Variants in FGF14 observed in about 807,000 individuals in gnomAD.
FGF14 encodes the protein fibroblast growth factor homologous factor 4.
FGF14 carries 5 observed loss-of-function variants against 25.5 expected under a neutral mutation model. That is an observed-to-expected ratio of 0.20 (90% confidence interval 0.10 to 0.41). The LOEUF (loss-of-function observed/expected upper bound fraction) is 0.41. Among genes scored for constraint, FGF14 ranks in the 10% least tolerant of loss-of-function variants. FGF14 has a pLI of 1.00. For missense variants in FGF14, 222 were observed against 320.1 expected (o/e 0.69, Z 2.34); for synonymous variants, 138 against 118.3 (o/e 1.17, Z -1.08).
intron 1 of FGF14, among the ~76,000 whole-genome samples, chr13:101,914,075 G>A (rs2033224534): frequency 6.6e-6 from 1 of 151,812 alleles, no homozygotes; most frequent in Non-Finnish European, 1.5e-5. Flanking sequence ...CAGACTTAAA[G>A]GTTGTATCTT....
At position 101,722,153 on chromosome 13, in the gene FGF14, C is replaced by T. The variant is rs2035038416; in HGVS notation, c.*678G>A. ...TGGGAGCACAGTATCTGCTACTGGACAGAGCGTATATGTGTGTTTAATCGA... is the reference window on the plus strand; with the variant it reads ...TGGGAGCACAGTATCTGCTACTGGATAGAGCGTATATGTGTGTTTAATCGA... On this transcript the variant is annotated 3_prime_UTR_variant, in exon 5 of 5. Transcript: ENST00000376143. 3 of 156,850 alleles carry T rather than the reference C, an allele frequency of 1.9e-5. No individual in the cohort carries two copies. The highest frequency in any genetic ancestry group is 7.2e-5 in the African/African-American group (3 of 41,448). 9.7% of individuals were successfully genotyped at this position (156,850 alleles called of 1,614,324 possible). A position where few individuals can be genotyped will look rare whatever the true frequency, so the allele number is the denominator to read the frequency against.
At chr13:102,313,487 C>A (rs1240460295) in intron 1 of FGF14, among the ~76,000 whole-genome samples, 1 of 152,026 alleles carries the variant, frequency 6.6e-6, no homozygotes, top group South Asian at 2.1e-4. Flanking sequence ...ATGAAACAGT[C>A]CCGATTTTAC....
rs2055008337 is a variant in FGF14, at chr13:102,300,920, GACACACACACACACACATACACACACAC to G, written c.208+100523_208+100550del. On this transcript the variant is annotated intron_variant, in intron 1 of 4. Coordinates refer to the FGF14 transcript ENST00000376131. ...CAAAGTCCTTACCAATATGCACACA[GACACACACACACACACATACACACACAC>G]ACACACACACACACACGTTTAACCT... 4.7e-5 allele frequency among the ~76,000 whole-genome samples: 4 copies of G among 85,964 alleles called. No individual in the cohort carries two copies. The South Asian group carries it at 1.6e-3, about 34-fold the overall frequency. 56.4% of individuals were successfully genotyped at this position (85,964 alleles called of 152,430 possible).
rs75220547 is a variant in FGF14, at chr13:101,878,582, A to T, written c.194-3286T>A. On this transcript the variant is annotated intron_variant, in intron 1 of 4. Transcript: ENST00000376143. Reference sequence around the variant, plus strand: ...ATACGAATAAAATAAGCTAAAATAAACACAAAACAAATAACAAAGATGAGA... The same window carrying T: ...ATACGAATAAAATAAGCTAAAATAATCACAAAACAAATAACAAAGATGAGA... 1.9e-3 allele frequency among the ~76,000 whole-genome samples: 286 copies of T among 152,306 alleles called. 7 individuals carry two copies. In the East Asian group the frequency reaches 0.041, roughly 22 times the overall value.
At chr13:102,286,008 C>T (rs1183618017) in intron 1 of FGF14, among the ~76,000 whole-genome samples, 1 of 152,182 alleles carries the variant, frequency 6.6e-6, no homozygotes. Flanking sequence ...GGAAAACTCA[C>T]TGGAATTTAT....
chr13:102,105,049 A>G (rs776077971), intron 1 of FGF14, among the ~76,000 whole-genome samples: 9 of 152,302 alleles, frequency 5.9e-5, no homozygotes, highest in East Asian at 3.9e-4. Context: ...GAAAATATCA[A>G]TTTTCTAATG....
chr13:101,788,432 T>G (rs2039979713), intron 3 of FGF14, among the ~76,000 whole-genome samples: 1 of 152,136 alleles, frequency 6.6e-6, no homozygotes, highest in South Asian at 2.1e-4. Flanking sequence ...TATGGGAAAC[T>G]TATACATGTG....
At chr13:101,879,850 C>G (rs905418855) in intron 1 of FGF14, among the ~76,000 whole-genome samples, 1 of 152,046 alleles carries the variant, frequency 6.6e-6, no homozygotes, top group Non-Finnish European at 1.5e-5. Context: ...TTGGCACTCC[C>G]AGTAGCAGAA....
chr13:102,395,939 A>G (rs2058571276), intron 1 of FGF14, among the ~76,000 whole-genome samples: 1 of 152,188 alleles, frequency 6.6e-6, no homozygotes, highest in East Asian at 1.9e-4. Context: ...CATTCTGACC[A>G]AAGTAAAAAA....
intron 3 of FGF14, among the ~76,000 whole-genome samples, chr13:101,861,831 T>C (rs111860395): frequency 3.3e-5 from 5 of 152,124 alleles, no homozygotes; most frequent in Non-Finnish European, 5.9e-5. Context: ...GTTTTCAGTA[T>C]CCTCATTCGG....
chr13:102,148,769 C>A (rs1409187479), intron 1 of FGF14, among the ~76,000 whole-genome samples: 2 of 152,112 alleles, frequency 1.3e-5, no homozygotes, highest in African/African-American at 4.8e-5. Flanking sequence ...CCAGCCTGGG[C>A]AACAGGGCGA....
rs533856998 is a variant in FGF14, at chr13:101,787,115, C to A, written c.409-60305G>T. Among the ~76,000 whole-genome samples the A allele has an allele frequency of 9.9e-5, 15 of 152,092 alleles. No homozygotes were observed. In the South Asian group the frequency reaches 2.3e-3, roughly 23 times the overall value. ...GTGCTCATTCAAAATATATAATAAG[C>A]AATGTGAAAAAAACACTAGGCTATA... On this transcript the variant is annotated intron_variant, in intron 3 of 4. Coordinates refer to ENST00000376143, the MANE Select transcript of FGF14 (RefSeq NM_004115.4).
Position 102,081,483 on chromosome 13 carries a change from T to C in FGF14, c.209-206187A>G, listed in dbSNP as rs140003004. Reference sequence around the variant, plus strand: ...ATGTTTTGCTCACGGCCACTGAACATTCATCGACCTTCCCACTGGCTTTGG... The same window carrying C: ...ATGTTTTGCTCACGGCCACTGAACACTCATCGACCTTCCCACTGGCTTTGG... On this transcript the variant is annotated intron_variant, in intron 1 of 4. Transcript: ENST00000376131. Among the ~76,000 whole-genome samples, 103 of 152,314 alleles carry C rather than the reference T, an allele frequency of 6.8e-4. 1 individual carries two copies. The highest frequency in any genetic ancestry group is 2.3e-3 in the African/African-American group (96 of 41,576).
At chr13:102,374,646 A>T (rs1215897350) in intron 1 of FGF14, among the ~76,000 whole-genome samples, 30 of 1,162 alleles carry the variant, frequency 0.026, no homozygotes, top group Non-Finnish European at 0.038. Flanking sequence ...TACATATTTT[A>T]TATATATATA....
At chr13:102,213,246 C>T (rs925047366) in intron 1 of FGF14, among the ~76,000 whole-genome samples, 1 of 152,180 alleles carries the variant, frequency 6.6e-6, no homozygotes, top group Admixed American at 6.5e-5. Flanking sequence ...CAGAGCTTTA[C>T]TTCTTTCCAC....
intron 1 of FGF14, among the ~76,000 whole-genome samples, chr13:102,248,562 T>C (rs1341044718): frequency 6.6e-6 from 1 of 152,042 alleles, no homozygotes; most frequent in East Asian, 1.9e-4. Context: ...ATAGTGTTTG[T>C]ATAAAAGGAA....
chr13:101,993,068 A>C (rs556632146), intron 1 of FGF14, among the ~76,000 whole-genome samples: 1 of 151,978 alleles, frequency 6.6e-6, no homozygotes, highest in African/African-American at 2.4e-5. Context: ...AGAAAATCTC[A>C]AAAGAAGCCA....
intron 1 of FGF14, among the ~76,000 whole-genome samples, chr13:102,384,636 T>C (rs965211816): frequency 2.0e-5 from 3 of 152,164 alleles, no homozygotes; most frequent in Admixed American, 6.5e-5. Flanking sequence ...AAATGAAAGA[T>C]TACTCTATGA....
intron 1 of FGF14, among the ~76,000 whole-genome samples, chr13:102,163,320 G>A (rs1388973518): frequency 6.6e-6 from 1 of 152,094 alleles, no homozygotes; most frequent in Non-Finnish European, 1.5e-5. Flanking sequence ...CATGCCTTGT[G>A]TAATATGGTC....
Sources: gnomAD v4.1 joint callset for allele counts (sites outside exome capture counted in the v4.1 genomes callset) on GRCh38, gnomAD v4.1.1 for gene constraint, MANE v1.5 for transcripts, NCBI Gene and HGNC (gene_info 2026-07-23, HGNC 2026-07-21) for gene names.